Variants in PTPRH observed in about 807,000 individuals in gnomAD.
PTPRH encodes the protein receptor-type tyrosine-protein phosphatase H.
A neutral mutation model predicts 130.2 loss-of-function variants in PTPRH; 113 were observed. That is an observed-to-expected ratio of 0.87 (90% CI 0.75 to 1.01). PTPRH has a LOEUF of 1.01. Ranked by LOEUF, PTPRH falls within the 50% of genes least tolerant of loss-of-function variation. PTPRH has a pLI of 0.00. For synonymous variants in PTPRH, 556 were observed against 577.9 expected, an observed-to-expected ratio of 0.96 and a Z score of 0.54; for missense variants, 1,430 against 1,425.0, an observed-to-expected ratio of 1.00 and a Z score of -0.06.
At chr19:55,205,721 C>T (rs981345707) in intron 3 of PTPRH, 129 bp from the exon 4 acceptor site, 20 of 1,333,100 alleles carry the variant, frequency 1.5e-5, no homozygotes, top group Non-Finnish European at 1.4e-5. Context: ...AGTGTGGCAG[C>T]CACGAGTTCC....
intron 5 of PTPRH, 59 bp downstream of exon 5, chr19:55,203,723 C>T: frequency 2.0e-6 from 3 of 1,520,038 alleles, no homozygotes; most frequent in South Asian, 1.3e-5. Flanking sequence ...CAGCTCCCAA[C>T]CACCCCCTAC....
At position 55,203,935 on chromosome 19, in the gene PTPRH, A is replaced by T. The variant is rs773857354; in HGVS notation, c.733T>A (p.Cys245Ser). 2 of 1,614,014 alleles carry T rather than the reference A, an allele frequency of 1.2e-6. No homozygotes were observed. The highest frequency in any genetic ancestry group is 2.7e-5 in the African/African-American group (2 of 74,904). Residue 245 changes from cysteine (C) to serine (S), a missense_variant, in exon 5 of 20, where the codon TGC (cysteine) becomes AGC (serine). Cys to Ser is a moderately radical substitution (Grantham distance 112). Coordinates refer to ENST00000376350, the MANE Select transcript of PTPRH (RefSeq NM_002842.5). Reference sequence around the variant, plus strand: ...TCTGTTCTGCCACCATCTCCAGTGCACTGAACGCAGTAGGTCGAGTTCTGT... The same window carrying T: ...TCTGTTCTGCCACCATCTCCAGTGCTCTGAACGCAGTAGGTCGAGTTCTGT... ...DPQNSTYCVQ[C>S]TGDGGRTETR... is the part of the protein sequence containing the mutation.
chr19:55,202,111 C>T lies in PTPRH; in HGVS notation c.1098G>A (p.Val366=), dbSNP rs755513426. The T allele has an allele frequency of 1.2e-5, 20 of 1,614,118 alleles. No homozygotes were observed. The highest frequency in any genetic ancestry group is 8.9e-5 in the East Asian group (4 of 44,900). ...LEPGCLYVFS[V]WVGKNGINSS... is the part of the protein sequence containing the mutation. ...TGTTGATTCCATTCTTCCCCACCCA[C>T]ACGGAAAACACATACAAACACCCGG... is the stretch of plus-strand genomic sequence containing the variant. The change falls in exon 6 of 20, where the codon GTG becomes GTA. Residue 366 remains valine, a synonymous_variant. Coordinates refer to ENST00000376350, the MANE Select transcript of PTPRH (RefSeq NM_002842.5).
chr19:55,185,721 A>G lies in PTPRH; in HGVS notation c.2902-59T>C, dbSNP rs2086300453. 4 of 1,598,342 alleles carry G rather than the reference A, an allele frequency of 2.5e-6. 1 individual carries two copies. The Admixed American group carries it at 6.8e-5, about 27-fold the overall frequency. On this transcript the variant is annotated intron_variant, in intron 17 of 19. Coordinates refer to ENST00000376350, the MANE Select transcript of PTPRH (RefSeq NM_002842.5). ...TGAATGTAGGGAGGACCTGGCTTCT[A>G]GCACCAGGAGCGGGTTCCCTGGGGC...
In PTPRH at chr19:55,208,990, A is replaced by C. The variant is rs181782109; in HGVS notation, c.51+393T>G. 6.6e-3 allele frequency among the ~76,000 whole-genome samples: 701 copies of C among 106,106 alleles called. 2 individuals carry two copies. The highest frequency in any genetic ancestry group is 0.01 in the Non-Finnish European group (528 of 51,108). The allele number at this position is 106,106 out of a possible 152,430, so 69.6% of individuals were successfully genotyped here. Reference sequence around the variant, plus strand: ...CTGGGGGCCTGGACTCCTGGGTCTGAGGGAGGAGGGGCTGGGGTCTGGACT... The same window carrying C: ...CTGGGGGCCTGGACTCCTGGGTCTGCGGGAGGAGGGGCTGGGGTCTGGACT... On this transcript the variant is annotated intron_variant, in intron 1 of 19. Transcript: ENST00000376350.
At chr19:55,208,193 A>G (rs56145108) in intron 1 of PTPRH, among the ~76,000 whole-genome samples, 2 of 5,442 alleles carry the variant, frequency 3.7e-4, no homozygotes, top group Admixed American at 2.4e-3. Flanking sequence ...GAGGGAGGAG[A>G]GGTTGGGGGC....
rs559998181 is a variant in PTPRH at position 55,181,630 on chromosome 19, GC to G, written c.*123del. Reference sequence around the variant, plus strand: ...GGGGAAACCAGAGTTTGGGATACCAGCCCCCTCCTCCCACAGCACCCAGGAG... The same window carrying G: ...GGGGAAACCAGAGTTTGGGATACCAGCCCCTCCTCCCACAGCACCCAGGAG... On this transcript the variant is annotated 3_prime_UTR_variant, in exon 20 of 20. Transcript: ENST00000376350. 1.9e-4 allele frequency: 257 copies of G among 1,357,310 alleles called. 2 individuals carry two copies. The African/African-American group carries it at 3.4e-3, about 18-fold the overall frequency. The allele number at this position is 1,357,310 out of a possible 1,614,324, so 84.1% of individuals were successfully genotyped here. A position where few individuals can be genotyped will look rare whatever the true frequency, so the allele number is the denominator to read the frequency against.
In PTPRH at chr19:55,198,776, G is replaced by C. The variant is rs1296528981; in HGVS notation, c.1557C>G (p.Asp519Glu). 11 of 1,614,028 alleles carry C rather than the reference G, an allele frequency of 6.8e-6. No individual in the cohort carries two copies. The highest frequency in any genetic ancestry group is 9.3e-6 in the Non-Finnish European group (11 of 1,179,960). The change falls in exon 8 of 20, where the codon GAC (aspartate) becomes GAG (glutamate). Residue 519 changes from aspartate to glutamate, a missense_variant. Coordinates refer to ENST00000376350, the MANE Select transcript of PTPRH (RefSeq NM_002842.5). The stretch of plus-strand genomic sequence containing the variant: ...TACCTGAGGTGCTTTGGGTCCTGGG[G>C]TCAGTCATGCCTTCCCTGACCCATG... ...WVSWVREGMT[D>E]PRTQSTSGTD...
intron 10 of PTPRH, chr19:55,194,231 G>A: frequency 7.8e-7 from 1 of 1,289,746 alleles, no homozygotes; most frequent in Non-Finnish European, 1.0e-6. Context: ...TCGTCTTAGG[G>A]TAGGCTCAAG....
Position 55,191,652 on chromosome 19 carries a change from C to G in PTPRH, c.2336+11G>C, listed in dbSNP as rs761976036. The G allele has an allele frequency of 6.2e-7, 1 of 1,613,644 alleles. No individual in the cohort carries two copies. Among genetic ancestry groups the G allele is most frequent in the Admixed American group, 1.7e-5 (1 of 59,998 alleles). ...CACCCTCCAGGCGGTCAGCCCTGTGCTGAGTCTCACCTCCTCTTCAGGAAG... is the reference window on the plus strand; with the variant it reads ...CACCCTCCAGGCGGTCAGCCCTGTGGTGAGTCTCACCTCCTCTTCAGGAAG... On this transcript the variant is annotated intron_variant, in intron 11 of 19. Transcript: ENST00000376350.
rs1334287253 is a variant in PTPRH, at chr19:55,184,787, AAATAAAATAAAATAAAAT to A, written c.3062+697_3062+714del. ...GGGCGACAGGGAGAGACTCCATCTC[AAATAAAATAAAATAAAAT>A]AATAAAATAAAATAAAATAAATAAA... On this transcript the variant is annotated intron_variant, in intron 18 of 19. Coordinates refer to ENST00000376350, the MANE Select transcript of PTPRH (RefSeq NM_002842.5). Among the ~76,000 whole-genome samples the A allele has an allele frequency of 6.8e-5, 10 of 147,166 alleles. No homozygotes were observed. In the East Asian group the frequency reaches 1.6e-3, roughly 23 times the overall value.
chr19:55,196,840 C>A (rs763896411), intron 9 of PTPRH, 52 bp from the exon 10 acceptor site: 4 of 1,571,770 alleles, frequency 2.5e-6, no homozygotes, highest in Non-Finnish European at 3.5e-6. Context: ...GGCTTTCCAC[C>A]CCCTCCACCC....
intron 18 of PTPRH, among the ~76,000 whole-genome samples, chr19:55,183,771 A>G (rs2086243259): frequency 6.6e-6 from 1 of 152,168 alleles, no homozygotes; most frequent in Admixed American, 6.5e-5. Flanking sequence ...TCACACTCAC[A>G]ACGCTGTGCA....
In PTPRH at chr19:55,198,724, C is replaced by G; in HGVS notation, c.1609G>C (p.Ala537Pro). The change falls in exon 8 of 20, where the codon GCT becomes CCT. Residue 537 changes from alanine to proline, a missense_variant. Transcript: ENST00000376350. ...GTDITLKELE[A>P]GSLYHLTVWA... ...ACGGTGAGGTGGTACAGGCTGCCAGCTTCCAGTTCCTTTAGGGTGATGTCA... is the reference window on the plus strand; with the variant it reads ...ACGGTGAGGTGGTACAGGCTGCCAGGTTCCAGTTCCTTTAGGGTGATGTCA... 3 of 1,614,134 alleles carry G rather than the reference C, an allele frequency of 1.9e-6. No homozygotes were observed. The highest frequency in any genetic ancestry group is 2.5e-6 in the Non-Finnish European group (3 of 1,180,006).
rs531162508 is a variant in PTPRH, at chr19:55,185,283, C to T, written c.3062+219G>A. On this transcript the variant is annotated intron_variant, in intron 18 of 19. Transcript: ENST00000376350. ...GCTAGGATTTACAGGCATGAGCCAC[C>T]GCTCCTGGCCTGCCTTTTCATCTTT... 6.5e-4 allele frequency among the ~76,000 whole-genome samples: 99 copies of T among 152,260 alleles called. 1 individual carries two copies. The highest frequency in any genetic ancestry group is 2.1e-4 in the South Asian group (1 of 4,826).
rs575181510 is a variant in PTPRH at position 55,206,949 on chromosome 19, T to C, written c.92A>G (p.Asn31Ser). Residue 31 changes from asparagine to serine, a missense_variant, in exon 3 of 20, where the codon AAC becomes AGC. Coordinates refer to ENST00000376350, the MANE Select transcript of PTPRH (RefSeq NM_002842.5). ...SWTGARAPAPNPGRNLTVETQ... is the reference protein window; with the variant it reads ...SWTGARAPAPSPGRNLTVETQ... ...CTCCACTGTCAGGTTCCTCCCTGGG[T>C]TGGGGGCTGAGAATTGGGAAGGAAG... The C allele has an allele frequency of 1.0e-5, 16 of 1,592,644 alleles. No homozygotes were observed. The highest frequency in any genetic ancestry group is 2.3e-5 in the South Asian group (2 of 88,732).
chr19:55,204,701 C>T (rs2086988636), intron 4 of PTPRH, among the ~76,000 whole-genome samples: 1 of 152,068 alleles, frequency 6.6e-6, no homozygotes, highest in Admixed American at 6.6e-5. Flanking sequence ...AAGACCTGAG[C>T]CAGCGCTTTC....
intron 10 of PTPRH, among the ~76,000 whole-genome samples, chr19:55,195,502 A>G (rs2086656932): frequency 6.6e-6 from 1 of 152,154 alleles, no homozygotes; most frequent in African/African-American, 2.4e-5. Flanking sequence ...TCTCAAAACA[A>G]AAACAAAAAC....
intron 18 of PTPRH, among the ~76,000 whole-genome samples, chr19:55,184,443 C>G (rs1484773414): frequency 2.6e-5 from 4 of 152,202 alleles, no homozygotes; most frequent in African/African-American, 9.6e-5. Context: ...TCTTCCTCAT[C>G]TCCCTAATAG....
Sources: allele counts gnomAD v4.1 joint callset (sites outside exome capture counted in the v4.1 genomes callset), GRCh38; gene constraint gnomAD v4.1.1; transcripts MANE v1.5; gene names NCBI Gene and HGNC (gene_info 2026-07-23, HGNC 2026-07-21).